EML5: variants seen among roughly 807,000 people sequenced by gnomAD.
EML5 encodes the protein EMAP like 5, also known as echinoderm microtubule-associated protein-like 5.
In EML5, 120 loss-of-function variants were observed where a neutral mutation model predicts 250.0. The observed-to-expected ratio is 0.48, with a 90% CI of 0.41 to 0.56. The LOEUF (loss-of-function observed/expected upper bound fraction) is 0.56, where lower values mean the gene tolerates loss of function less well. Among genes scored for constraint, EML5 ranks in the 20% least tolerant of loss-of-function variants. The pLI is 0.00. For missense variants in EML5, 2,006 were observed against 2,437.6 expected, an observed-to-expected ratio of 0.82 and a Z score of 3.73; for synonymous variants, 771 against 806.5, an observed-to-expected ratio of 0.96 and a Z score of 0.75.
chr14:88,754,468 A>G, intron 2 of EML5, 44 bp downstream of exon 2: 1 of 1,496,846 alleles, frequency 6.7e-7, no homozygotes, highest in South Asian at 1.3e-5. Context: ...TCTATAATAT[A>G]CCTTAACATA....
chr14:88,759,459 G>T (rs912467276), intron 1 of EML5, among the ~76,000 whole-genome samples: 5 of 151,876 alleles, frequency 3.3e-5, no homozygotes, highest in African/African-American at 1.2e-4. Flanking sequence ...TGAGGCAGGA[G>T]GATCACTTCA....
chr14:88,707,986 A>G (rs2093346161), intron 10 of EML5, among the ~76,000 whole-genome samples: 1 of 152,204 alleles, frequency 6.6e-6, no homozygotes. Context: ...TTGTTATGTT[A>G]GGACAATTAA....
intron 1 of EML5, among the ~76,000 whole-genome samples, chr14:88,763,069 A>G (rs975303574): frequency 3.3e-5 from 5 of 152,208 alleles, no homozygotes; most frequent in African/African-American, 1.2e-4. Context: ...AAGATCTAAA[A>G]TCGACACCCT....
chr14:88,663,587 CTCAT>C (rs1379778674), intron 23 of EML5, among the ~76,000 whole-genome samples: 5 of 152,084 alleles, frequency 3.3e-5, no homozygotes, highest in Non-Finnish European at 7.4e-5. Context: ...TACAAACATA[CTCAT>C]TAAGTTCTTT....
At position 88,664,628 on chromosome 14, in the gene EML5, T is replaced by C. The variant is rs1290583210; in HGVS notation, c.3278-4A>G. On this transcript the variant is annotated splice_region_variant and splice_polypyrimidine_tract_variant and intron_variant, in intron 22 of 43. Coordinates refer to ENST00000554922, the MANE Select transcript of EML5 (RefSeq NM_183387.3). The stretch of plus-strand genomic sequence containing the variant: ...ACAGCAAGATATTTCCCAGAACCTA[T>C]AATAGAAACATATTTGCTTGACATT... 13 of 1,600,432 alleles carry C rather than the reference T, an allele frequency of 8.1e-6. No homozygotes were observed. Among genetic ancestry groups the C allele is most frequent in the South Asian group, 1.2e-5 (1 of 86,760 alleles).
chr14:88,726,718 T>G, intron 7 of EML5, 40 bp from the exon 8 acceptor site: 9 of 1,391,484 alleles, frequency 6.5e-6, no homozygotes, highest in African/African-American at 1.4e-5. Context: ...GGTTAGCTAA[T>G]GCATACTTTA....
chr14:88,682,073 A>T, intron 20 of EML5, 42 bp from the exon 21 acceptor site: 1 of 1,495,718 alleles, frequency 6.7e-7, no homozygotes, highest in Non-Finnish European at 8.9e-7. Context: ...ATGTGTGTGT[A>T]TATTTATACA....
chr14:88,737,442 C>T (rs1190687874), intron 6 of EML5, among the ~76,000 whole-genome samples: 1 of 152,222 alleles, frequency 6.6e-6, no homozygotes, highest in Non-Finnish European at 1.5e-5. Flanking sequence ...AGAGTATAAG[C>T]CAAGCGCAGC....
intron 1 of EML5, among the ~76,000 whole-genome samples, chr14:88,773,268 T>C (rs1490422193): frequency 6.6e-6 from 1 of 152,252 alleles, no homozygotes; most frequent in Non-Finnish European, 1.5e-5. Context: ...TGAGCATTTT[T>C]CTGGACTGAT....
intron 21 of EML5, 57 bp downstream of exon 21, chr14:88,681,833 G>T: frequency 1.3e-6 from 2 of 1,499,720 alleles, no homozygotes; most frequent in Non-Finnish European, 1.8e-6. Flanking sequence ...TCTTATATTT[G>T]TAAAGGTTAG....
chr14:88,766,231 C>T (rs1019572951), intron 1 of EML5, among the ~76,000 whole-genome samples: 11 of 152,116 alleles, frequency 7.2e-5, no homozygotes, highest in East Asian at 1.9e-4. Context: ...AGGATAACAG[C>T]GATGTTCAGG....
At chr14:88,771,280 G>A (rs1467095703) in intron 1 of EML5, among the ~76,000 whole-genome samples, 1 of 152,168 alleles carries the variant, frequency 6.6e-6, no homozygotes, top group African/African-American at 2.4e-5. Context: ...AGCCTGTCTT[G>A]TACTTAATGA....
At chr14:88,662,339 GTTTTTTTTTTT>G (rs71127000) in intron 24 of EML5, among the ~76,000 whole-genome samples, 15 of 55,658 alleles carry the variant, frequency 2.7e-4, no homozygotes, top group Non-Finnish European at 4.2e-4. Context: ...AATTTTTCTT[GTTTTTTTTTTT>G]TTTTTTTTTT....
chr14:88,715,479 A>T (rs924002153), intron 8 of EML5, among the ~76,000 whole-genome samples: 1 of 152,190 alleles, frequency 6.6e-6, no homozygotes, highest in Non-Finnish European at 1.5e-5. Flanking sequence ...ATAAAGAATA[A>T]AGGAAATAAA....
In EML5 at chr14:88,685,160, G is replaced by A. The variant is rs1206030561; in HGVS notation, c.2855-18C>T. 1.3e-6 allele frequency: 2 copies of A among 1,587,100 alleles called. No individual in the cohort carries two copies. The highest frequency in any genetic ancestry group is 8.6e-7 in the Non-Finnish European group (1 of 1,166,916). ...GAGAAGACCTGAAATGTTAAATGAAGATGTTCTTTTAGACATACAGTTACT... is the reference window on the plus strand; with the variant it reads ...GAGAAGACCTGAAATGTTAAATGAAAATGTTCTTTTAGACATACAGTTACT... On this transcript the variant is annotated intron_variant, in intron 19 of 43. Transcript: ENST00000554922.
At chr14:88,717,563 G>T (rs998246999) in intron 8 of EML5, among the ~76,000 whole-genome samples, 1 of 152,108 alleles carries the variant, frequency 6.6e-6, no homozygotes, top group Non-Finnish European at 1.5e-5. Flanking sequence ...AGACCATCCT[G>T]GCTAACACGG....
At chr14:88,657,306 A>C in intron 27 of EML5, 70 bp downstream of exon 27, 1 of 1,451,714 alleles carries the variant, frequency 6.9e-7, no homozygotes, top group Non-Finnish European at 9.3e-7. Context: ...TAAAAAAGCC[A>C]CTTAAATAAT....
At chr14:88,744,607 CATT>C (rs1361481746) in intron 3 of EML5, among the ~76,000 whole-genome samples, 2 of 151,908 alleles carry the variant, frequency 1.3e-5, no homozygotes, top group Non-Finnish European at 2.9e-5. Flanking sequence ...CTCCAGGCTT[CATT>C]ATTTTCTAAA....
At position 88,688,306 on chromosome 14, in the gene EML5, C is replaced by T. The variant is rs149177501; in HGVS notation, c.2707G>A (p.Asp903Asn). 9.3e-6 allele frequency: 15 copies of T among 1,613,936 alleles called. No homozygotes were observed. The highest frequency in any genetic ancestry group is 1.3e-5 in the Non-Finnish European group (15 of 1,179,884). Residue 903 changes from aspartate (D) to asparagine (N), a missense_variant, in exon 18 of 44, where the codon GAT becomes AAT. Asp to Asn is a conservative substitution (Grantham distance 23). Coordinates refer to ENST00000554922, the MANE Select transcript of EML5 (RefSeq NM_183387.3). ...IFLVKTVKAH[D>N]GPVFSMHALE... ...GCATGCATACTGAACACTGGCCCAT[C>T]ATGCGCTTTCACTGTTTTTACAAGA... is the stretch of plus-strand genomic sequence containing the variant.
Sources: allele counts gnomAD v4.1 joint callset (sites outside exome capture counted in the v4.1 genomes callset), GRCh38; gene constraint gnomAD v4.1.1; transcripts MANE v1.5; gene names NCBI Gene and HGNC (gene_info 2026-07-23, HGNC 2026-07-21).